DNAH5: variants seen among roughly 807,000 people sequenced by gnomAD.
DNAH5 encodes the protein axonemal beta dynein heavy chain 5.
Under a neutral mutation model 518.2 loss-of-function variants are expected in DNAH5, and 372 were observed. The ratio of observed to expected loss-of-function variants is 0.72; its 90% confidence interval spans 0.66 to 0.78. DNAH5 has a LOEUF of 0.78. DNAH5 is among the 30% of genes least tolerant of loss of function. The pLI is 0.00. For missense variants in DNAH5, 5,523 were observed against 5,687.0 expected (o/e 0.97, Z 0.93); for synonymous variants, 2,039 against 2,025.9 (o/e 1.01, Z -0.17).
intron 68 of DNAH5, among the ~76,000 whole-genome samples, chr5:13,732,912 C>G (rs991031711): frequency 6.6e-6 from 1 of 152,126 alleles, no homozygotes; most frequent in African/African-American, 2.4e-5. Context: ...TCAACCTAAC[C>G]ATTGAAGGGC....
chr5:13,912,142 A>G (rs1401821753), intron 11 of DNAH5, among the ~76,000 whole-genome samples: 1 of 152,160 alleles, frequency 6.6e-6, no homozygotes, highest in East Asian at 1.9e-4. Flanking sequence ...AATGAGCTAT[A>G]ATGCTCTGCG....
At chr5:13,829,920 C>A in intron 37 of DNAH5, 106 bp downstream of exon 37, 3 of 496,114 alleles carry the variant, frequency 6.0e-6, no homozygotes, top group Non-Finnish European at 8.6e-6. Flanking sequence ...GGTAAAGTTA[C>A]AATCCCAATT....
rs1167619247 is a variant in DNAH5, at chr5:13,690,620, A to T, written c.*1364T>A. On this transcript the variant is annotated 3_prime_UTR_variant, in exon 79 of 79. Coordinates refer to ENST00000265104, the MANE Select transcript of DNAH5 (RefSeq NM_001369.3). ...GGTATCCACCTACCAAAAACTGTTT[A>T]TCCAAAAAAATGCAGTTATACAGAT... The T allele has an allele frequency of 6.6e-6, 1 of 152,210 alleles. No homozygotes were observed. Among genetic ancestry groups the T allele is most frequent in the Middle Eastern group, 3.2e-3 (1 of 316 alleles). 9.4% of individuals were successfully genotyped at this position (152,210 alleles called of 1,614,324 possible).
chr5:13,852,779 T>G (rs561351088), intron 30 of DNAH5, among the ~76,000 whole-genome samples: 1 of 152,322 alleles, frequency 6.6e-6, no homozygotes, highest in South Asian at 2.1e-4. Context: ...CAGAGCCCAC[T>G]GCAGCACCAC....
Position 13,931,183 on chromosome 5 carries a change from A to C in DNAH5, c.119T>G (p.Leu40Ter), listed in dbSNP as rs996206105. 4 of 1,614,136 alleles carry C rather than the reference A, an allele frequency of 2.5e-6. No homozygotes were observed. Among genetic ancestry groups the C allele is most frequent in the African/African-American group, 1.3e-5 (1 of 75,054 alleles). The change falls in exon 2 of 79, where the codon TTA (leucine) becomes TGA (stop). Residue 40 changes from leucine to a stop codon, truncating the protein, a stop_gained. Coordinates refer to ENST00000265104, the MANE Select transcript of DNAH5 (RefSeq NM_001369.3). LOFTEE classifies it high-confidence loss of function. ...CAAACAGGAAGCCACAATTGCAAAT[A>C]AGTAGTTATGCCTCGCATCCAAAAG... is the stretch of plus-strand genomic sequence containing the variant. ...RALLDARHNYLFAIVASCLDL... is the reference protein window; with the variant it reads ...RALLDARHNY
Position 13,762,746 on chromosome 5 carries a change from T to C in DNAH5, c.10257A>G (p.Ile3419Met). ...WTKAMASFFSINKEVLPLKAN... is the reference protein window; with the variant it reads ...WTKAMASFFSMNKEVLPLKAN... ...CCTTCAGAGGCAGTACTTCTTTGTT[T>C]ATAGAAAAGAAGGAAGCCATAGCTT... Residue 3419 changes from isoleucine (I) to methionine (M), a missense_variant, in exon 60 of 79, where the codon ATA (isoleucine) becomes ATG (methionine). By Grantham distance (10) the Ile-to-Met change is conservative (BLOSUM62 1). This residue lies in a region of DNAH5 where 5,121 missense variants were observed against 5,223.3 expected (regional missense o/e 0.98). Coordinates refer to ENST00000265104, the MANE Select transcript of DNAH5 (RefSeq NM_001369.3). The C allele has an allele frequency of 6.2e-7, 1 of 1,614,074 alleles. No individual in the cohort carries two copies. Among genetic ancestry groups the C allele is most frequent in the South Asian group, 1.1e-5 (1 of 91,074 alleles).
chr5:13,741,233 A>G lies in DNAH5; in HGVS notation c.11212-3738T>C, dbSNP rs1580001992. On this transcript the variant is annotated intron_variant, in intron 65 of 78. Transcript: ENST00000265104. ...CCTCTGCTTTATGTTTCAGCCAGTT[A>G]ATCACCACTGATTGAATGGTTATAG... Among the ~76,000 whole-genome samples the G allele has an allele frequency of 2.0e-5, 3 of 152,176 alleles. No homozygotes were observed. In the East Asian group the frequency reaches 5.8e-4, roughly 29 times the overall value.
At chr5:13,860,878 G>A (rs559041805) in intron 29 of DNAH5, among the ~76,000 whole-genome samples, 2 of 152,098 alleles carry the variant, frequency 1.3e-5, no homozygotes, top group South Asian at 2.1e-4. Flanking sequence ...ACTTGAAGTC[G>A]TATTATTGCA....
chr5:13,841,328 A>G (rs1415561690), intron 33 of DNAH5, among the ~76,000 whole-genome samples, 198 bp from the exon 34 acceptor site: 2 of 152,052 alleles, frequency 1.3e-5, no homozygotes, highest in Non-Finnish European at 2.9e-5. Flanking sequence ...CACGTTTCTC[A>G]TTGTTTCCTG....
chr5:13,817,529 C>A lies in DNAH5; in HGVS notation c.6988+19G>T, dbSNP rs1311505123. The A allele has an allele frequency of 1.3e-5, 21 of 1,612,124 alleles. No individual in the cohort carries two copies. Among genetic ancestry groups the A allele is most frequent in the Non-Finnish European group, 1.7e-5 (20 of 1,178,434 alleles). The stretch of plus-strand genomic sequence containing the variant: ...TCTAGAAGTATAATCAAAAATAATC[C>A]TTGTAATTTATCTTCTACCTTTCTT... On this transcript the variant is annotated intron_variant, in intron 42 of 78. Transcript: ENST00000265104.
chr5:13,975,946 A>G (rs1782206452), intron 1 of DNAH5, among the ~76,000 whole-genome samples: 1 of 152,180 alleles, frequency 6.6e-6, no homozygotes, highest in Non-Finnish European at 1.5e-5. Flanking sequence ...CAAGGCGGGA[A>G]GACTGCTTGA....
Position 13,876,801 on chromosome 5 carries a change from T to G in DNAH5, c.3279A>C (p.Ala1093=), listed in dbSNP as rs764928831. The change falls in exon 22 of 79, where the codon GCA becomes GCC. Residue 1093 remains alanine, a synonymous_variant. Transcript: ENST00000265104. The part of the protein sequence containing the change: ...ENELQDTLEI[A]SVNLPIPVQT... Reference sequence around the variant, plus strand: ...GCACGGGAATGGGTAAATTTACAGATGCTATCTCCAAGGTATCTAAAAAGA... The same window carrying G: ...GCACGGGAATGGGTAAATTTACAGAGGCTATCTCCAAGGTATCTAAAAAGA... The G allele has an allele frequency of 3.1e-6, 5 of 1,613,738 alleles. No homozygotes were observed. The Admixed American group carries it at 8.3e-5, about 27-fold the overall frequency.
At chr5:13,842,512 G>T (rs1237649182) in intron 32 of DNAH5, among the ~76,000 whole-genome samples, 1 of 149,632 alleles carries the variant, frequency 6.7e-6, no homozygotes, top group African/African-American at 2.5e-5. Context: ...GAAAGAAAAA[G>T]AAAGAAATCA....
At chr5:13,971,551 G>T (rs1017491516) in intron 1 of DNAH5, among the ~76,000 whole-genome samples, 1 of 152,074 alleles carries the variant, frequency 6.6e-6, no homozygotes, top group Admixed American at 6.6e-5. Context: ...TCTCTTCTGG[G>T]TCTAGCCACC....
Position 13,823,288 on chromosome 5 carries a change from T to C in DNAH5, c.6662A>G (p.Glu2221Gly). The change falls in exon 40 of 79, where the codon GAA becomes GGA. Residue 2221 changes from glutamate to glycine, a missense_variant. This residue lies in a region of DNAH5 where 5,121 missense variants were observed against 5,223.3 expected (regional missense o/e 0.98). Coordinates refer to ENST00000265104, the MANE Select transcript of DNAH5 (RefSeq NM_001369.3). ...NILLDKAGYP[E>G]LEAAISRQVE... ...CTGTCTACTAATTGCTGCTTCCAGT[T>C]CAGGGTAACCTGCCTTGTCCAGAAG... The C allele has an allele frequency of 6.2e-7, 1 of 1,613,400 alleles. No individual in the cohort carries two copies. The highest frequency in any genetic ancestry group is 8.5e-7 in the Non-Finnish European group (1 of 1,179,294).
intron 58 of DNAH5, among the ~76,000 whole-genome samples, chr5:13,766,678 A>G (rs1470817370): frequency 1.3e-5 from 2 of 152,234 alleles, no homozygotes; most frequent in African/African-American, 4.8e-5. Context: ...GAGGTTTCTT[A>G]GCTAGGAACT....
chr5:13,778,572 AAGAAAGAAAGAAAGAAAGAAAGAAAGAG>A (rs1754517074), intron 53 of DNAH5, among the ~76,000 whole-genome samples: 1 of 73,392 alleles, frequency 1.4e-5, no homozygotes, highest in Admixed American at 1.2e-4. Flanking sequence ...GAAAGAAAGA[AAGAAAGAAAGAAAGAAAGAAAGAAAGAG>A]AGAGAGAAAG....
At chr5:13,987,041 C>T (rs1783100827) in intron 1 of DNAH5, among the ~76,000 whole-genome samples, 1 of 152,094 alleles carries the variant, frequency 6.6e-6, no homozygotes, top group Non-Finnish European at 1.5e-5. Flanking sequence ...AGGGAAAATT[C>T]TCCTTCCTTT....
At chr5:13,766,295 T>C (rs764376286) in intron 58 of DNAH5, 116 bp from the exon 59 acceptor site, 9 of 1,090,726 alleles carry the variant, frequency 8.3e-6, no homozygotes, top group Non-Finnish European at 1.3e-5. Flanking sequence ...TTAAGTTAGA[T>C]GCAGGCCACA....
Sources: allele counts gnomAD v4.1 joint callset (sites outside exome capture counted in the v4.1 genomes callset), GRCh38; gene constraint gnomAD v4.1.1; regional missense constraint gnomAD v4.1.1; transcripts MANE v1.5; gene names NCBI Gene and HGNC (gene_info 2026-07-23, HGNC 2026-07-21).